DNAH6: variants seen among roughly 807,000 people sequenced by gnomAD.
DNAH6 encodes the protein dynein axonemal heavy chain 6, also known as axonemal beta dynein heavy chain 6.
In DNAH6, 340 loss-of-function variants were observed where a neutral mutation model predicts 491.4. That is an observed-to-expected ratio of 0.69 (90% confidence interval 0.63 to 0.76). The LOEUF (loss-of-function observed/expected upper bound fraction) is 0.76. Ranked by LOEUF, DNAH6 falls within the 30% of genes least tolerant of loss-of-function variation. DNAH6 has a pLI of 0.00. For missense variants in DNAH6, 4,443 were observed against 4,972.2 expected (o/e 0.89, Z 3.20); for synonymous variants, 1,603 against 1,686.1 (o/e 0.95, Z 1.21).
At chr2:84,499,147 T>A in the DNAH6 span, among the ~76,000 whole-genome samples, 1 of 152,194 alleles carries the variant, frequency 6.6e-6, no homozygotes, top group African/African-American at 2.4e-5. Context: ...TCATTCTTTC[T>A]ATTTTTTGGT....
At chr2:84,695,186 T>A (rs1207968023) in intron 46 of DNAH6, among the ~76,000 whole-genome samples, 2 of 152,048 alleles carry the variant, frequency 1.3e-5, no homozygotes, top group East Asian at 3.8e-4. Context: ...AGCACATCTA[T>A]AGAAGAAATA....
intron 74 of DNAH6, among the ~76,000 whole-genome samples, chr2:84,813,568 C>A (rs1018199929): frequency 1.3e-5 from 2 of 152,224 alleles, no homozygotes; most frequent in African/African-American, 4.8e-5. Flanking sequence ...CTGTGAGCAA[C>A]TCAATGCTAA....
At chr2:84,466,179 G>C in the DNAH6 span, among the ~76,000 whole-genome samples, 5 of 152,282 alleles carry the variant, frequency 3.3e-5, no homozygotes, top group African/African-American at 1.2e-4. Flanking sequence ...TTTACTTACA[G>C]GCCAGAAACC....
At chr2:84,815,403 G>A (rs1308308165) in intron 75 of DNAH6, among the ~76,000 whole-genome samples, 1 of 150,672 alleles carries the variant, frequency 6.6e-6, no homozygotes, top group Non-Finnish European at 1.5e-5. Flanking sequence ...GTGTGCACCG[G>A]TGGAGACATC....
At chr2:84,794,879 G>A (rs1289107067) in intron 68 of DNAH6, among the ~76,000 whole-genome samples, 13 of 149,524 alleles carry the variant, frequency 8.7e-5, no homozygotes, top group Non-Finnish European at 1.6e-4. Context: ...ACATGCACAC[G>A]TATGTTTATT....
rs1227944184 is a variant in DNAH6 at position 84,762,847 on chromosome 2, CAT to C, written c.10606_10607del (p.Met3536ValfsTer47). 1.9e-6 allele frequency: 3 copies of C among 1,551,072 alleles called. No homozygotes were observed. Among genetic ancestry groups the C allele is most frequent in the Non-Finnish European group, 2.6e-6 (3 of 1,146,442 alleles). ...PVDLPTLYQD[M>X]SCNTPLVFIL... is the part of the protein sequence containing the mutation. ...TGGACCTGCCTACCCTGTATCAAGA[CAT>C]GTCATGCAACACTCCCCTGGTATTC... On this transcript the variant is annotated frameshift_variant, in exon 64 of 77. Transcript: ENST00000389394. LOFTEE classifies it high-confidence loss of function.
At chr2:84,805,895 CT>C in intron 71 of DNAH6, 101 bp downstream of exon 71, 9 of 1,080,652 alleles carry the variant, frequency 8.3e-6, no homozygotes, top group African/African-American at 1.6e-5. Flanking sequence ...ATTATGTAGA[CT>C]TTTTTTAACC....
rs1687217701 is a variant in DNAH6, at chr2:84,619,674, C to T, written c.3573-11C>T. ...TTTCAAGTTATATTTTAAGGATGTTCTTTAATCCAGGTTTTACTTCTTGTC... is the reference window on the plus strand; with the variant it reads ...TTTCAAGTTATATTTTAAGGATGTTTTTTAATCCAGGTTTTACTTCTTGTC... On this transcript the variant is annotated splice_polypyrimidine_tract_variant and intron_variant, in intron 23 of 76. Coordinates refer to ENST00000389394, the MANE Select transcript of DNAH6 (RefSeq NM_001370.2). 6.5e-7 allele frequency: 1 copy of T among 1,548,640 alleles called. No homozygotes were observed. The highest frequency in any genetic ancestry group is 8.7e-7 in the Non-Finnish European group (1 of 1,144,420).
At chr2:84,567,195 T>G (rs1319491122) in intron 11 of DNAH6, among the ~76,000 whole-genome samples, 1 of 152,108 alleles carries the variant, frequency 6.6e-6, no homozygotes, top group Non-Finnish European at 1.5e-5. Context: ...CTATTTGTAT[T>G]ACATATTATA....
At chr2:84,680,735 C>G (rs757570073) in intron 41 of DNAH6, among the ~76,000 whole-genome samples, 9 of 151,588 alleles carry the variant, frequency 5.9e-5, no homozygotes, top group Non-Finnish European at 1.3e-4. Flanking sequence ...AGGAGAAGTC[C>G]AGATAAAAAA....
At position 84,670,379 on chromosome 2, in the gene DNAH6, G is replaced by T; in HGVS notation, c.6358G>T (p.Val2120Phe). The T allele has an allele frequency of 6.5e-7, 1 of 1,544,898 alleles. No individual in the cohort carries two copies. Among genetic ancestry groups the T allele is most frequent in the South Asian group, 1.2e-5 (1 of 82,948 alleles). Residue 2120 changes from valine to phenylalanine, a missense_variant, in exon 39 of 77, where the codon GTC (valine) becomes TTC (phenylalanine). By Grantham distance (50) the Val-to-Phe change is conservative. This residue lies in a region of DNAH6 where 2,977 missense variants were observed against 3,296.6 expected (regional missense o/e 0.90). Coordinates refer to ENST00000389394, the MANE Select transcript of DNAH6 (RefSeq NM_001370.2). ...TAAAATTCAAGAATCAGCTGGCTAT[G>T]TCCCTGTTTATCTAAATTTTTCTGC... Reference protein sequence around the residue: ...LNKIQESAGYVPVYLNFSAQT... With the variant: ...LNKIQESAGYFPVYLNFSAQT...
rs1371836651 is a variant in DNAH6 at position 84,584,238 on chromosome 2, A to G, written c.2469A>G (p.Lys823=). 6.2e-7 allele frequency: 1 copy of G among 1,613,970 alleles called. No individual in the cohort carries two copies. Among genetic ancestry groups the G allele is most frequent in the Admixed American group, 1.7e-5 (1 of 60,026 alleles). The part of the protein sequence containing the change: ...EELNNEVNEV[K]LQAQDPQILD... Reference sequence around the variant, plus strand: ...TAAACAACGAAGTGAATGAAGTAAAACTGCAAGCACAGGTAAGCTAAATCA... The same window carrying G: ...TAAACAACGAAGTGAATGAAGTAAAGCTGCAAGCACAGGTAAGCTAAATCA... Residue 823 remains lysine, a synonymous_variant, in exon 15 of 77, where the codon AAA becomes AAG. Transcript: ENST00000389394.
At chr2:84,472,496 G>A in the DNAH6 span, among the ~76,000 whole-genome samples, 612 of 151,934 alleles carry the variant, frequency 4.0e-3, 2 homozygotes, top group South Asian at 7.1e-3. Flanking sequence ...CATGAACAGA[G>A]GACAATTTTC....
intron 35 of DNAH6, among the ~76,000 whole-genome samples, chr2:84,655,469 C>T (rs1002224568): frequency 1.3e-5 from 2 of 152,072 alleles, no homozygotes; most frequent in African/African-American, 4.8e-5. Flanking sequence ...TCCCCTACTC[C>T]AAGTAAGCCA....
chr2:84,686,627 A>C, intron 44 of DNAH6, 70 bp downstream of exon 44: 1 of 985,292 alleles, frequency 1.0e-6, no homozygotes. Context: ...AATTCAAATG[A>C]ATATTCTATA....
chr2:84,652,484 A>C (rs1180232055), intron 33 of DNAH6, among the ~76,000 whole-genome samples: 1 of 152,034 alleles, frequency 6.6e-6, no homozygotes, highest in African/African-American at 2.4e-5. Flanking sequence ...ATGTTTTTCT[A>C]AGTCTCTCAT....
intron 26 of DNAH6, among the ~76,000 whole-genome samples, 198 bp from the exon 27 acceptor site, chr2:84,624,067 G>A (rs1687635670): frequency 6.6e-6 from 1 of 152,150 alleles, no homozygotes; most frequent in Non-Finnish European, 1.5e-5. Context: ...ATGTACAATA[G>A]GGGTAAAGAC....
At chr2:84,475,958 A>T in the DNAH6 span, among the ~76,000 whole-genome samples, 1 of 152,128 alleles carries the variant, frequency 6.6e-6, no homozygotes, top group Non-Finnish European at 1.5e-5. Flanking sequence ...AATCGACCCC[A>T]ATCAGGTCTG....
chr2:84,772,498 G>A (rs1675721934), intron 64 of DNAH6, among the ~76,000 whole-genome samples: 1 of 152,016 alleles, frequency 6.6e-6, no homozygotes, highest in South Asian at 2.1e-4. Flanking sequence ...AAGAGCTGAA[G>A]TGGCTATAAT....
Sources: allele counts gnomAD v4.1 joint callset (sites outside exome capture counted in the v4.1 genomes callset), GRCh38; gene constraint gnomAD v4.1.1; regional missense constraint gnomAD v4.1.1; transcripts MANE v1.5; gene names NCBI Gene and HGNC (gene_info 2026-07-23, HGNC 2026-07-21).